The following MYO16 variants were observed in gnomAD, a reference collection of about 807,000 sequenced individuals.
MYO16 encodes the protein myosin XVI.
Under a neutral mutation model 205.3 loss-of-function variants are expected in MYO16, and 94 were observed. The ratio of observed to expected loss-of-function variants is 0.46; its 90% CI spans 0.39 to 0.54. The LOEUF is 0.54. Among genes scored for constraint, MYO16 ranks in the 20% least tolerant of loss-of-function variants. The pLI is 0.00. For missense variants in MYO16, 2,315 were observed against 2,387.5 expected (o/e 0.97, Z 0.63); for synonymous variants, 988 against 954.0 (o/e 1.04, Z -0.66).
intron 20 of MYO16, among the ~76,000 whole-genome samples, chr13:108,990,941 T>G (rs1311450801): frequency 6.6e-6 from 1 of 152,194 alleles, no homozygotes; most frequent in African/African-American, 2.4e-5. Context: ...AGTTTTGTTC[T>G]GCCGTTTGGA....
intron 14 of MYO16, among the ~76,000 whole-genome samples, chr13:108,892,534 C>T (rs759700661): frequency 6.6e-6 from 1 of 152,214 alleles, no homozygotes; most frequent in Non-Finnish European, 1.5e-5. Context: ...AGCCACTGCA[C>T]CTGGCCGGTC....
chr13:108,507,348 T>C, the MYO16 span, among the ~76,000 whole-genome samples: 1 of 152,108 alleles, frequency 6.6e-6, no homozygotes, highest in Non-Finnish European at 1.5e-5. Context: ...TTATAGAAAG[T>C]TTTTATTTCT....
chr13:108,862,827 C>T (rs1878511728), intron 11 of MYO16, among the ~76,000 whole-genome samples: 1 of 152,116 alleles, frequency 6.6e-6, no homozygotes, highest in Non-Finnish European at 1.5e-5. Context: ...TTTCATTTCA[C>T]AAAATGTTAT....
At chr13:109,115,750 T>C (rs1418247087) in intron 28 of MYO16, among the ~76,000 whole-genome samples, 1 of 152,200 alleles carries the variant, frequency 6.6e-6, no homozygotes, top group Non-Finnish European at 1.5e-5. Flanking sequence ...TGTAAATCCA[T>C]GAAAATTCAG....
the MYO16 span, among the ~76,000 whole-genome samples, chr13:108,498,691 A>C: frequency 6.6e-6 from 1 of 152,250 alleles, no homozygotes; most frequent in Non-Finnish European, 1.5e-5. Flanking sequence ...CAGGCCGTAA[A>C]AGCAGATGAT....
At chr13:108,845,970 A>G (rs1056516813) in intron 10 of MYO16, among the ~76,000 whole-genome samples, 1 of 151,934 alleles carries the variant, frequency 6.6e-6, no homozygotes, top group African/African-American at 2.4e-5. Context: ...TAGCCTCCCA[A>G]AGTGCTTGGA....
At chr13:109,008,528 G>C (rs1448429427) in intron 21 of MYO16, among the ~76,000 whole-genome samples, 1 of 107,070 alleles carries the variant, frequency 9.3e-6, no homozygotes, top group Non-Finnish European at 1.9e-5. Context: ...ACTATCTTGT[G>C]TATGCACTAC....
At chr13:108,645,872 G>A (rs892193704) in intron 1 of MYO16, among the ~76,000 whole-genome samples, 4 of 152,166 alleles carry the variant, frequency 2.6e-5, no homozygotes, top group Non-Finnish European at 4.4e-5. Flanking sequence ...CAGAGGAAGC[G>A]GAATCAGTAC....
At chr13:108,784,250 T>C (rs1594291397) in intron 4 of MYO16, among the ~76,000 whole-genome samples, 1 of 152,080 alleles carries the variant, frequency 6.6e-6, no homozygotes, top group Non-Finnish European at 1.5e-5. Flanking sequence ...TTTCAAACTC[T>C]GAATAATTAA....
At chr13:108,645,587 A>G (rs1171078134) in intron 1 of MYO16, among the ~76,000 whole-genome samples, 2 of 152,144 alleles carry the variant, frequency 1.3e-5, no homozygotes, top group Non-Finnish European at 2.9e-5. Context: ...TTCATCTACA[A>G]GGATTCTGGG....
At chr13:108,717,109 A>T (rs1883973881) in intron 3 of MYO16, among the ~76,000 whole-genome samples, 1 of 152,196 alleles carries the variant, frequency 6.6e-6, no homozygotes, top group Admixed American at 6.5e-5. Flanking sequence ...AGTAAAAAAC[A>T]GTATTACATA....
intron 21 of MYO16, among the ~76,000 whole-genome samples, chr13:108,993,124 G>A (rs1884891678): frequency 6.6e-6 from 1 of 152,090 alleles, no homozygotes; most frequent in African/African-American, 2.4e-5. Flanking sequence ...CTACATTATA[G>A]TACGGGAAGA....
At chr13:108,917,571 A>G (rs1327484015) in intron 16 of MYO16, among the ~76,000 whole-genome samples, 1 of 108,358 alleles carries the variant, frequency 9.2e-6, no homozygotes, top group Admixed American at 9.2e-5. Flanking sequence ...GTGTAGATCT[A>G]TTGCATGAAG....
chr13:108,560,510 T>A, the MYO16 span, among the ~76,000 whole-genome samples: 1 of 152,238 alleles, frequency 6.6e-6, no homozygotes, highest in Non-Finnish European at 1.5e-5. Flanking sequence ...GAAAATTAAG[T>A]GTACTATGCT....
chr13:109,142,949 T>C (rs1877170569), intron 32 of MYO16, among the ~76,000 whole-genome samples: 1 of 152,130 alleles, frequency 6.6e-6, no homozygotes, highest in East Asian at 1.9e-4. Context: ...TTTTTCCGAT[T>C]CTTTGTTCAA....
chr13:108,500,214 TTTTTTTGTTTTTTTTTTGTTTTTTTTG>T, the MYO16 span, among the ~76,000 whole-genome samples: 129 of 5,666 alleles, frequency 0.023, 19 homozygotes, highest in Non-Finnish European at 0.086. Flanking sequence ...CTGTTTTTTT[TTTTTTTGTTTTTTTTTTGTTTTTTTTG>T]TTTTTTTTTT....
intron 1 of MYO16, among the ~76,000 whole-genome samples, chr13:108,656,379 T>C (rs754344545): frequency 2.0e-5 from 3 of 152,208 alleles, no homozygotes; most frequent in South Asian, 2.1e-4. Context: ...TCTCCAACCA[T>C]AGGGAACTGT....
At chr13:109,138,332 G>A (rs1876874007) in intron 31 of MYO16, among the ~76,000 whole-genome samples, 1 of 152,150 alleles carries the variant, frequency 6.6e-6, no homozygotes, top group Non-Finnish European at 1.5e-5. Flanking sequence ...TAAAATAATT[G>A]AAGATTTGGG....
chr13:108,868,208 T>C lies in MYO16; in HGVS notation c.1425+1966T>C, dbSNP rs145802818. 1.1e-3 allele frequency among the ~76,000 whole-genome samples: 162 copies of C among 152,322 alleles called. 1 individual carries two copies. Among genetic ancestry groups the C allele is most frequent in the African/African-American group, 3.8e-3 (156 of 41,572 alleles). On this transcript the variant is annotated intron_variant, in intron 12 of 34. Coordinates refer to ENST00000457511, the MANE Select transcript of MYO16 (RefSeq NM_001198950.3). The stretch of plus-strand genomic sequence containing the variant: ...CAAAGTGTATACATACAATCAGTTT[T>C]GATAAATATCGACAATTTTCTGCGT...
Sources: gnomAD v4.1 joint callset for allele counts (sites outside exome capture counted in the v4.1 genomes callset) on GRCh38, gnomAD v4.1.1 for gene constraint, MANE v1.5 for transcripts, NCBI Gene and HGNC (gene_info 2026-07-23, HGNC 2026-07-21) for gene names.